Variants in LUC7L observed in about 807,000 individuals in gnomAD.
LUC7L encodes the protein LUC7 like.
A neutral mutation model predicts 51.1 loss-of-function variants in LUC7L; 29 were observed. That is an observed-to-expected ratio of 0.57 (90% CI 0.42 to 0.77). LUC7L has a LOEUF of 0.77. Among genes scored for constraint, LUC7L ranks in the 30% least tolerant of loss-of-function variants. LUC7L has a pLI of 0.00. For missense variants in LUC7L, 403 were observed against 511.9 expected (o/e 0.79, Z 2.05); for synonymous variants, 181 against 180.7 (o/e 1.00, Z -0.01).
intron 5 of LUC7L, among the ~76,000 whole-genome samples, chr16:205,473 C>T (rs960097037): frequency 2.0e-5 from 3 of 152,120 alleles, no homozygotes; most frequent in Admixed American, 6.6e-5. Context: ...CAACGTAGAC[C>T]CACTGACTGT....
At chr16:217,851 C>A (rs2049849807) in intron 3 of LUC7L, among the ~76,000 whole-genome samples, 3 of 151,816 alleles carry the variant, frequency 2.0e-5, no homozygotes, top group African/African-American at 7.3e-5. Context: ...CCAGCCTGAC[C>A]AAAATGGTGA....
intron 3 of LUC7L, among the ~76,000 whole-genome samples, chr16:212,827 G>C (rs935187079): frequency 6.6e-6 from 1 of 150,796 alleles, no homozygotes; most frequent in Non-Finnish European, 1.5e-5. Flanking sequence ...ACCCAGGCTA[G>C]AATACAGTGG....
At chr16:193,134 C>A (rs2142039014) in intron 6 of LUC7L, 119 bp from the exon 7 acceptor site, 2 of 813,306 alleles carry the variant, frequency 2.5e-6, no homozygotes, top group Non-Finnish European at 4.2e-6. Context: ...TGAAGGGACA[C>A]TTTTAGGAAA....
chr16:226,142 C>A (rs2050126524), intron 2 of LUC7L, among the ~76,000 whole-genome samples: 1 of 152,188 alleles, frequency 6.6e-6, no homozygotes, highest in African/African-American at 2.4e-5. Flanking sequence ...AACAGAGGCA[C>A]AAGGTTTGGC....
Position 207,252 on chromosome 16 carries a change from C to T in LUC7L, c.366+826G>A, listed in dbSNP as rs571625319. On this transcript the variant is annotated intron_variant, in intron 4 of 9. Transcript: ENST00000293872. ...TTTTTTTTCTTTTGAGGCAGGGTCT[C>T]ACTCTGTTATCCAGGCTGAAGCAAA... Among the ~76,000 whole-genome samples the T allele has an allele frequency of 5.3e-5, 8 of 151,704 alleles. No homozygotes were observed. The East Asian group carries it at 1.5e-3, about 29-fold the overall frequency.
At chr16:209,911 C>T (rs539920961) in intron 3 of LUC7L, 1 of 152,264 alleles carries the variant, frequency 6.6e-6, no homozygotes, top group African/African-American at 2.4e-5. Context: ...GGTGCCCAGT[C>T]TCCCAAGAAG....
chr16:223,866 TTCA>T (rs1272231053), intron 2 of LUC7L, among the ~76,000 whole-genome samples: 3 of 151,828 alleles, frequency 2.0e-5, no homozygotes, highest in African/African-American at 7.3e-5. Flanking sequence ...GAGACAGGTT[TTCA>T]TCATGTTGGC....
chr16:197,522 C>T (rs1016376633), intron 6 of LUC7L, among the ~76,000 whole-genome samples: 10 of 152,160 alleles, frequency 6.6e-5, no homozygotes, highest in African/African-American at 2.2e-4. Context: ...ACTTTTACAT[C>T]TTTCATACCT....
chr16:208,383 G>A (rs992321999), intron 3 of LUC7L, 195 bp from the exon 4 acceptor site: 10 of 499,456 alleles, frequency 2.0e-5, no homozygotes, highest in Admixed American at 1.8e-4. Flanking sequence ...TAAACAGAAT[G>A]ATTGTTTGGA....
chr16:204,078 G>T (rs557757838), intron 5 of LUC7L, among the ~76,000 whole-genome samples: 8 of 152,034 alleles, frequency 5.3e-5, no homozygotes, highest in Non-Finnish European at 1.2e-4. Flanking sequence ...CCGCAAGCAT[G>T]AAATATTTAG....
intron 2 of LUC7L, among the ~76,000 whole-genome samples, chr16:223,860 C>T (rs1483887582): frequency 6.6e-6 from 1 of 151,750 alleles, no homozygotes; most frequent in East Asian, 1.9e-4. Context: ...TTAGTAGAGA[C>T]AGGTTTTCAT....
At chr16:210,911 C>T (rs1427742424) in intron 3 of LUC7L, among the ~76,000 whole-genome samples, 1 of 151,828 alleles carries the variant, frequency 6.6e-6, no homozygotes, top group East Asian at 1.9e-4. Context: ...ATTAGCCGGG[C>T]GTGGTGGCGG....
chr16:202,518 G>A lies in LUC7L; in HGVS notation c.511-3280C>T, dbSNP rs2049364297. Reference sequence around the variant, plus strand: ...TGTTTACGTACACAAATATTTAGGGGCCCACTGTGTTGCAACTGCCTATAG... The same window carrying A: ...TGTTTACGTACACAAATATTTAGGGACCCACTGTGTTGCAACTGCCTATAG... On this transcript the variant is annotated intron_variant, in intron 5 of 9. Transcript: ENST00000293872. Among the ~76,000 whole-genome samples the A allele has an allele frequency of 2.0e-5, 3 of 151,968 alleles. No homozygotes were observed. In the South Asian group the frequency reaches 6.2e-4, roughly 32 times the overall value.
intron 7 of LUC7L, among the ~76,000 whole-genome samples, chr16:192,441 A>T (rs2049033410): frequency 6.6e-6 from 1 of 151,644 alleles, no homozygotes; most frequent in African/African-American, 2.4e-5. Context: ...ACTGCCATGC[A>T]CACACAGTCC....
At chr16:227,429 A>G in intron 1 of LUC7L, 93 bp from the exon 2 acceptor site, 7 of 1,518,514 alleles carry the variant, frequency 4.6e-6, no homozygotes, top group Non-Finnish European at 6.2e-6. Flanking sequence ...TGATTTGCAG[A>G]CTATCATTTC....
At chr16:216,589 C>A (rs2049808187) in intron 3 of LUC7L, among the ~76,000 whole-genome samples, 1 of 151,238 alleles carries the variant, frequency 6.6e-6, no homozygotes, top group Admixed American at 6.6e-5. Context: ...TACTATTTGG[C>A]CAGGCTGGTG....
chr16:206,751 T>C (rs1033325194), intron 4 of LUC7L, among the ~76,000 whole-genome samples: 5 of 151,970 alleles, frequency 3.3e-5, no homozygotes, highest in African/African-American at 4.8e-5. Flanking sequence ...TATGTGGAGA[T>C]ATTAAAGTTT....
Position 229,343 on chromosome 16 carries a change from A to G in LUC7L, c.-4T>C. On this transcript the variant is annotated 5_prime_UTR_variant, in exon 1 of 10. Coordinates refer to ENST00000293872, the MANE Select transcript of LUC7L (RefSeq NM_201412.3). ...GCATCTGCGCCTGGGCGGACATGGT[A>G]GCCGGCGGAGGCGACGGGGTCGGCC... 6.7e-7 allele frequency: 1 copy of G among 1,502,530 alleles called. No individual in the cohort carries two copies. Among genetic ancestry groups the G allele is most frequent in the African/African-American group, 1.4e-5 (1 of 69,710 alleles). The allele number at this position is 1,502,530 out of a possible 1,614,324, so 93.1% of individuals were successfully genotyped here. A position where few individuals can be genotyped will look rare whatever the true frequency, so the allele number is the denominator to read the frequency against.
chr16:228,451 A>T (rs1257260538), intron 1 of LUC7L: 1 of 1,255,368 alleles, frequency 8.0e-7, no homozygotes, highest in African/African-American at 1.6e-5. Flanking sequence ...TGTATGAAAT[A>T]AAAATATGGG....
Sources: gnomAD v4.1 joint callset for allele counts (sites outside exome capture counted in the v4.1 genomes callset) on GRCh38, gnomAD v4.1.1 for gene constraint, MANE v1.5 for transcripts, NCBI Gene and HGNC (gene_info 2026-07-23, HGNC 2026-07-21) for gene names.